The following CADM2 variants were observed in gnomAD, a reference collection of about 807,000 sequenced individuals.
CADM2 encodes the protein cell adhesion molecule 2.
CADM2 carries 12 observed loss-of-function variants against 49.8 expected under a neutral mutation model. That is an observed-to-expected ratio of 0.24 (90% CI 0.15 to 0.39). CADM2 has a LOEUF of 0.39. CADM2 is among the 10% of genes least tolerant of loss of function. CADM2 has a pLI of 1.00. For missense variants in CADM2, 378 were observed against 492.3 expected, an observed-to-expected ratio of 0.77 and a Z score of 2.20; for synonymous variants, 214 against 175.4, an observed-to-expected ratio of 1.22 and a Z score of -1.74.
At chr3:85,608,831 C>A (rs2063603628) in intron 1 of CADM2, among the ~76,000 whole-genome samples, 2 of 151,770 alleles carry the variant, frequency 1.3e-5, no homozygotes, top group African/African-American at 2.4e-5. Context: ...ACAAGAAAGG[C>A]CCAAATGAGA....
At chr3:84,980,179 C>T (rs2032085485) in intron 1 of CADM2, among the ~76,000 whole-genome samples, 2 of 152,140 alleles carry the variant, frequency 1.3e-5, no homozygotes, top group South Asian at 2.1e-4. Flanking sequence ...ACTAATTCAC[C>T]GACAGCCCCA....
chr3:85,065,819 C>G (rs1482282315), intron 1 of CADM2, among the ~76,000 whole-genome samples: 1 of 152,256 alleles, frequency 6.6e-6, no homozygotes, highest in African/African-American at 2.4e-5. Flanking sequence ...AGACATAGAA[C>G]TGTACTTTGG....
intron 1 of CADM2, among the ~76,000 whole-genome samples, chr3:85,696,912 A>T (rs1005610610): frequency 6.6e-6 from 1 of 151,808 alleles, no homozygotes; most frequent in African/African-American, 2.4e-5. Context: ...CTAAGAAAAT[A>T]GATTTTACCT....
chr3:85,245,614 G>A (rs2042630021), intron 1 of CADM2, among the ~76,000 whole-genome samples: 3 of 152,086 alleles, frequency 2.0e-5, no homozygotes, highest in Admixed American at 2.0e-4. Context: ...CACCTCCACA[G>A]GTGGTCTCCT....
In CADM2 at chr3:86,068,358, T is replaced by C. The variant is rs1739548944; in HGVS notation, c.*1575T>C. ...ATTAGTTCTCATTAAATTTATTATA[T>C]GCTAAAGAATAAAACTCCAGTTAGA... On this transcript the variant is annotated 3_prime_UTR_variant, in exon 10 of 10. Coordinates refer to ENST00000383699, the MANE Select transcript of CADM2 (RefSeq NM_001167675.2). 1 of 151,982 alleles carries C rather than the reference T, an allele frequency of 6.6e-6. No individual in the cohort carries two copies. Among genetic ancestry groups the C allele is most frequent in the Non-Finnish European group, 1.5e-5 (1 of 67,878 alleles). 9.4% of individuals were successfully genotyped at this position (151,982 alleles called of 1,614,324 possible).
chr3:85,983,309 C>T (rs988622566), intron 8 of CADM2, among the ~76,000 whole-genome samples: 7 of 151,570 alleles, frequency 4.6e-5, no homozygotes, highest in African/African-American at 1.7e-4. Flanking sequence ...TATCTTATTA[C>T]AAATAAGGAT....
intron 1 of CADM2, among the ~76,000 whole-genome samples, chr3:85,588,291 A>C (rs577038619): frequency 6.6e-6 from 1 of 152,164 alleles, no homozygotes; most frequent in African/African-American, 2.4e-5. Flanking sequence ...TTTTAATTTT[A>C]GTAGAGATGT....
At chr3:85,373,607 A>C (rs993931902) in intron 1 of CADM2, among the ~76,000 whole-genome samples, 2 of 152,056 alleles carry the variant, frequency 1.3e-5, no homozygotes, top group African/African-American at 4.8e-5. Flanking sequence ...TCCTTCCAAA[A>C]TGCCCTAGCA....
intron 1 of CADM2, among the ~76,000 whole-genome samples, chr3:85,134,037 C>G (rs1254695993): frequency 6.6e-6 from 1 of 152,226 alleles, no homozygotes; most frequent in South Asian, 2.1e-4. Flanking sequence ...GGTGAGAAAT[C>G]GAGCGCAGCG....
At chr3:85,469,309 A>ATGGC (rs1175674591) in intron 1 of CADM2, among the ~76,000 whole-genome samples, 2 of 152,186 alleles carry the variant, frequency 1.3e-5, no homozygotes, top group Non-Finnish European at 2.9e-5. Context: ...GTCACACATA[A>ATGGC]TGGCACCTGG....
intron 8 of CADM2, among the ~76,000 whole-genome samples, chr3:85,972,296 C>T (rs1726254287): frequency 6.6e-6 from 1 of 151,676 alleles, no homozygotes; most frequent in Non-Finnish European, 1.5e-5. Flanking sequence ...GAAAACTACC[C>T]TATTATTTTT....
intron 1 of CADM2, among the ~76,000 whole-genome samples, chr3:85,678,698 G>A (rs535538146): frequency 2.0e-5 from 3 of 152,108 alleles, no homozygotes; most frequent in Non-Finnish European, 2.9e-5. Context: ...AAATGGCAAC[G>A]TAATATTGGC....
intron 1 of CADM2, among the ~76,000 whole-genome samples, chr3:85,673,836 T>C (rs2065817874): frequency 6.6e-6 from 1 of 152,218 alleles, no homozygotes. Flanking sequence ...ATTTGTGAGA[T>C]ACTGGGATGC....
chr3:85,115,117 C>A (rs1482191302), intron 1 of CADM2, among the ~76,000 whole-genome samples: 1 of 152,144 alleles, frequency 6.6e-6, no homozygotes, highest in Non-Finnish European at 1.5e-5. Flanking sequence ...CAATTTACTT[C>A]TTATAAATTT....
Position 85,584,506 on chromosome 3 carries a change from G to A in CADM2, c.62-142016G>A, listed in dbSNP as rs146805373. Among the ~76,000 whole-genome samples, 34 of 152,134 alleles carry A rather than the reference G, an allele frequency of 2.2e-4. 1 individual carries two copies. The East Asian group carries it at 5.0e-3, about 23-fold the overall frequency. On this transcript the variant is annotated intron_variant, in intron 1 of 9. Coordinates refer to ENST00000383699, the MANE Select transcript of CADM2 (RefSeq NM_001167675.2). Reference sequence around the variant, plus strand: ...ATAAATATATGTTATGGTGCTTGCCGTCAAAAGGGGATAATTAAATTTCCC... The same window carrying A: ...ATAAATATATGTTATGGTGCTTGCCATCAAAAGGGGATAATTAAATTTCCC...
At chr3:85,726,496 C>G (rs1287207656) in intron 1 of CADM2, 26 bp from the exon 2 acceptor site, 4 of 1,611,666 alleles carry the variant, frequency 2.5e-6, no homozygotes, top group African/African-American at 2.7e-5. Context: ...TTGTTCTCTT[C>G]TTGTGCAACC....
intron 1 of CADM2, among the ~76,000 whole-genome samples, chr3:84,966,612 T>G (rs2031011361): frequency 6.6e-6 from 1 of 152,078 alleles, no homozygotes; most frequent in East Asian, 1.9e-4. Flanking sequence ...CTTATGAAAC[T>G]GAGTGATAAG....
intron 1 of CADM2, among the ~76,000 whole-genome samples, chr3:85,457,918 G>A (rs1244005211): frequency 6.6e-6 from 1 of 151,980 alleles, no homozygotes; most frequent in East Asian, 1.9e-4. Context: ...TAATCTCCTA[G>A]TACTTTTCTA....
intron 1 of CADM2, among the ~76,000 whole-genome samples, chr3:85,155,835 T>G (rs930003873): frequency 6.6e-6 from 1 of 152,210 alleles, no homozygotes; most frequent in Non-Finnish European, 1.5e-5. Flanking sequence ...TGCTCCTGAA[T>G]GACTACTGGG....
Sources: allele counts gnomAD v4.1 joint callset (sites outside exome capture counted in the v4.1 genomes callset), GRCh38; gene constraint gnomAD v4.1.1; transcripts MANE v1.5; gene names NCBI Gene and HGNC (gene_info 2026-07-23, HGNC 2026-07-21).